The following EEF2K variants were observed in gnomAD, a reference collection of about 807,000 sequenced individuals.
EEF2K encodes the protein alternative protein EEF2K.
Under a neutral mutation model 93.8 loss-of-function variants are expected in EEF2K, and 70 were observed. The observed-to-expected ratio is 0.75, with a 90% CI of 0.62 to 0.91. The LOEUF is 0.91. Among genes scored for constraint, EEF2K ranks in the 40% least tolerant of loss-of-function variants. EEF2K has a pLI of 0.00. For synonymous variants in EEF2K, 376 were observed against 380.8 expected (o/e 0.99, Z 0.15); for missense variants, 935 against 972.9 (o/e 0.96, Z 0.52).
At chr16:22,219,866 C>T (rs752561041) in intron 1 of EEF2K, among the ~76,000 whole-genome samples, 54 of 152,172 alleles carry the variant, frequency 3.5e-4, no homozygotes, top group Admixed American at 9.2e-4. Flanking sequence ...CAGGGCCATC[C>T]GCCTCATGGT....
At chr16:22,259,266 G>A (rs903584058) in intron 10 of EEF2K, among the ~76,000 whole-genome samples, 2 of 152,210 alleles carry the variant, frequency 1.3e-5, no homozygotes, top group Non-Finnish European at 2.9e-5. Context: ...TGACCCCAGG[G>A]TATTGGCCTA....
chr16:22,244,218 G>T (rs1414318585), intron 2 of EEF2K, among the ~76,000 whole-genome samples: 1 of 151,614 alleles, frequency 6.6e-6, no homozygotes, highest in African/African-American at 2.4e-5. Context: ...GACAGAGTGA[G>T]ACTCTGTTTC....
intron 2 of EEF2K, among the ~76,000 whole-genome samples, chr16:22,241,470 C>G (rs1306153063): frequency 6.6e-6 from 1 of 151,052 alleles, no homozygotes; most frequent in African/African-American, 2.4e-5. Flanking sequence ...CATGGTGAAA[C>G]CCCGTCTCTA....
Position 22,256,636 on chromosome 16 carries a change from G to A in EEF2K, c.619-112G>A, listed in dbSNP as rs2047402433. The A allele has an allele frequency of 3.1e-6, 4 of 1,305,588 alleles. No homozygotes were observed. In the South Asian group the frequency reaches 4.5e-5, roughly 15 times the overall value. 80.9% of individuals were successfully genotyped at this position (1,305,588 alleles called of 1,614,324 possible). ...CTACAATAGAGAGCTAGTAAGTCATGGAGCCAGGGTCTGAGCCCAGGCAGG... is the reference window on the plus strand; with the variant it reads ...CTACAATAGAGAGCTAGTAAGTCATAGAGCCAGGGTCTGAGCCCAGGCAGG... On this transcript the variant is annotated intron_variant, in intron 6 of 17. Coordinates refer to ENST00000263026, the MANE Select transcript of EEF2K (RefSeq NM_013302.5).
chr16:22,283,422 C>CTTGGT (rs1417190449), intron 17 of EEF2K, among the ~76,000 whole-genome samples: 2 of 151,566 alleles, frequency 1.3e-5, no homozygotes, highest in Non-Finnish European at 2.9e-5. Flanking sequence ...ATGTTTTACA[C>CTTGGT]AAATTCACTT....
intron 6 of EEF2K, among the ~76,000 whole-genome samples, chr16:22,255,918 A>T (rs960931967): frequency 1.7e-4 from 25 of 145,136 alleles, no homozygotes; most frequent in South Asian, 6.6e-4. Flanking sequence ...TCTAAAATAA[A>T]TTTTTTTTTT....
intron 15 of EEF2K, 150 bp downstream of exon 15, chr16:22,267,026 G>A (rs2047531525): frequency 1.0e-6 from 1 of 978,572 alleles, no homozygotes; most frequent in South Asian, 1.8e-5. Context: ...CACTGGTTTG[G>A]GGGCAGGCCC....
chr16:22,227,486 G>T (rs1407535446), intron 2 of EEF2K, among the ~76,000 whole-genome samples: 1 of 152,108 alleles, frequency 6.6e-6, no homozygotes, highest in East Asian at 1.9e-4. Context: ...GGTTCCCAAA[G>T]TGCTGGGATT....
intron 1 of EEF2K, among the ~76,000 whole-genome samples, chr16:22,222,164 G>C (rs1413558247): frequency 6.6e-6 from 1 of 152,122 alleles, no homozygotes; most frequent in Admixed American, 6.6e-5. Flanking sequence ...TTTCAGGGAA[G>C]TTTTCATGCA....
At chr16:22,257,206 C>A (rs1479354803) in intron 7 of EEF2K, 47 bp from the exon 8 acceptor site, 1 of 1,613,626 alleles carries the variant, frequency 6.2e-7, no homozygotes, top group Non-Finnish European at 8.5e-7. Flanking sequence ...CCTGCACAGA[C>A]CTCAGCCTGT....
chr16:22,210,211 C>T (rs765157892), intron 1 of EEF2K, among the ~76,000 whole-genome samples: 2 of 152,168 alleles, frequency 1.3e-5, no homozygotes, highest in East Asian at 1.9e-4. Flanking sequence ...CCTAGAGAAG[C>T]GTCTCAAATG....
chr16:22,266,607 C>T (rs1400219994), intron 14 of EEF2K, 81 bp from the exon 15 acceptor site: 71 of 1,590,554 alleles, frequency 4.5e-5, no homozygotes, highest in Non-Finnish European at 6.0e-5. Context: ...TAATCACTTC[C>T]TCCCGCAGGC....
chr16:22,279,432 T>C (rs1263759219), intron 16 of EEF2K, among the ~76,000 whole-genome samples: 1 of 151,760 alleles, frequency 6.6e-6, no homozygotes, highest in Non-Finnish European at 1.5e-5. Context: ...TTTTTAATTT[T>C]TGTGGGTACA....
At chr16:22,261,947 G>C (rs1167361999) in intron 11 of EEF2K, among the ~76,000 whole-genome samples, 1 of 151,722 alleles carries the variant, frequency 6.6e-6, no homozygotes, top group Non-Finnish European at 1.5e-5. Flanking sequence ...GGAGGTTGCA[G>C]TGAGCTGAGA....
chr16:22,276,339 GT>G (rs1460148217), intron 16 of EEF2K, among the ~76,000 whole-genome samples: 2 of 152,120 alleles, frequency 1.3e-5, no homozygotes, highest in African/African-American at 2.4e-5. Context: ...TGTTTACTGG[GT>G]TTGGGGACAC....
chr16:22,253,031 G>C (rs2047366204), intron 6 of EEF2K, among the ~76,000 whole-genome samples: 1 of 152,148 alleles, frequency 6.6e-6, no homozygotes, highest in Admixed American at 6.5e-5. Flanking sequence ...CCATATCATA[G>C]TGGATACTAT....
chr16:22,283,328 A>AAG (rs2047715483), intron 17 of EEF2K, among the ~76,000 whole-genome samples: 6 of 142,978 alleles, frequency 4.2e-5, no homozygotes, highest in East Asian at 2.0e-4. Flanking sequence ...AAAAAAAAAA[A>AAG]AAGAAGAAGA....
rs751134098 is a variant in EEF2K, at chr16:22,258,735, G to A, written c.1231+40G>A. On this transcript the variant is annotated intron_variant, in intron 10 of 17. Transcript: ENST00000263026. ...GGTCCCTAGTCACTGTGATTGGAGG[G>A]GACAGGTGGAGCAGAGCTAAACCAG... is the stretch of plus-strand genomic sequence containing the variant. 1.9e-6 allele frequency: 3 copies of A among 1,611,974 alleles called. No individual in the cohort carries two copies. In the Admixed American group the frequency reaches 5.0e-5, roughly 27 times the overall value.
Position 22,280,234 on chromosome 16 carries a change from C to T in EEF2K, c.1926C>T (p.Asn642=). ...GGCTAGAGGCCCTGCACTGGTACAACACTGCCCTGGAGATGACGGACTGTG... is the reference window on the plus strand; with the variant it reads ...GGCTAGAGGCCCTGCACTGGTACAATACTGCCCTGGAGATGACGGACTGTG... ...QDWLEALHWY[N]TALEMTDCDE... is the part of the protein sequence containing the mutation. The change falls in exon 17 of 18, where the codon AAC becomes AAT. Residue 642 remains asparagine, a synonymous_variant. Transcript: ENST00000263026. 6.3e-7 allele frequency: 1 copy of T among 1,592,408 alleles called. No homozygotes were observed. Among genetic ancestry groups the T allele is most frequent in the Non-Finnish European group, 8.6e-7 (1 of 1,169,582 alleles).
Sources: allele counts gnomAD v4.1 joint callset (sites outside exome capture counted in the v4.1 genomes callset), GRCh38; gene constraint gnomAD v4.1.1; transcripts MANE v1.5; gene names NCBI Gene and HGNC (gene_info 2026-07-23, HGNC 2026-07-21).